CSMD1: variants seen among roughly 807,000 people sequenced by gnomAD.
The protein encoded by CSMD1 is CUB and Sushi multiple domains 1.
A neutral mutation model predicts 417.5 loss-of-function variants in CSMD1; 213 were observed. The ratio of observed to expected loss-of-function variants is 0.51; its 90% CI spans 0.46 to 0.57. The LOEUF (loss-of-function observed/expected upper bound fraction) is 0.57. Among genes scored for constraint, CSMD1 ranks in the 20% least tolerant of loss-of-function variants. CSMD1 has a pLI of 0.00. For missense variants in CSMD1, 6,923 were observed against 4,529.7 expected (o/e 1.53, Z -15.17); for synonymous variants, 2,862 against 1,736.8 (o/e 1.65, Z -16.11).
At chr8:4,648,309 G>C (rs1474301540) in intron 1 of CSMD1, among the ~76,000 whole-genome samples, 1 of 152,002 alleles carries the variant, frequency 6.6e-6, no homozygotes, top group East Asian at 1.9e-4. Flanking sequence ...TCTTGTTCCT[G>C]CTTCCCCACC....
chr8:3,583,877 C>G lies in CSMD1; in HGVS notation c.1222+2259G>C, dbSNP rs555860535. Among the ~76,000 whole-genome samples the G allele has an allele frequency of 6.6e-5, 10 of 151,686 alleles. No homozygotes were observed. The South Asian group carries it at 2.1e-3, about 32-fold the overall frequency. The stretch of plus-strand genomic sequence containing the variant: ...ATTGAGGGTTTCTTATCCATCTTAT[C>G]AACTGATGCAACTAGATAGATAAGG... On this transcript the variant is annotated intron_variant, in intron 9 of 69. Coordinates refer to ENST00000635120, the MANE Select transcript of CSMD1 (RefSeq NM_033225.6).
chr8:4,817,091 A>G (rs777587330), intron 1 of CSMD1, among the ~76,000 whole-genome samples: 1 of 152,028 alleles, frequency 6.6e-6, no homozygotes, highest in Admixed American at 6.5e-5. Flanking sequence ...CAACTTTATT[A>G]TGTGTATATA....
At chr8:3,955,706 C>T (rs953019616) in intron 5 of CSMD1, among the ~76,000 whole-genome samples, 4 of 151,662 alleles carry the variant, frequency 2.6e-5, no homozygotes, top group African/African-American at 9.7e-5. Context: ...AATACGTGGA[C>T]ACAAAGATTC....
In CSMD1 at chr8:4,695,579, A is replaced by T. The variant is rs10086346; in HGVS notation, c.86-58021T>A. Among the ~76,000 whole-genome samples the T allele has an allele frequency of 2.5e-3, 388 of 152,256 alleles. 2 individuals carry two copies. Among genetic ancestry groups the T allele is most frequent in the African/African-American group, 9.0e-3 (373 of 41,548 alleles). On this transcript the variant is annotated intron_variant, in intron 1 of 69. Transcript: ENST00000635120. The stretch of plus-strand genomic sequence containing the variant: ...GAAGAGGAAGATACAGAGGTTTCTC[A>T]TCTGTCCCCTATCCCCCCCACCACA...
At chr8:4,170,669 T>C (rs1031872712) in intron 3 of CSMD1, among the ~76,000 whole-genome samples, 2 of 151,814 alleles carry the variant, frequency 1.3e-5, no homozygotes, top group African/African-American at 2.4e-5. Flanking sequence ...GTAGAATAAG[T>C]TGGAGGAGCT....
At chr8:4,921,041 GAAGA>G (rs1334575073) in intron 1 of CSMD1, among the ~76,000 whole-genome samples, 2 of 101,030 alleles carry the variant, frequency 2.0e-5, no homozygotes, top group Non-Finnish European at 4.3e-5. Context: ...AGAAAGGAAG[GAAGA>G]AAGAAAAGAG....
chr8:4,034,950 C>T (rs111506318), intron 3 of CSMD1, among the ~76,000 whole-genome samples: 2 of 152,110 alleles, frequency 1.3e-5, no homozygotes, highest in African/African-American at 4.8e-5. Flanking sequence ...ATGAAACACT[C>T]TGGAAATGGA....
chr8:4,839,348 C>G (rs1346014617), intron 1 of CSMD1, among the ~76,000 whole-genome samples: 1 of 152,176 alleles, frequency 6.6e-6, no homozygotes, highest in African/African-American at 2.4e-5. Flanking sequence ...ATGCATACAA[C>G]CAAGCAAATA....
chr8:3,229,782 T>C (rs1443311892), intron 27 of CSMD1, among the ~76,000 whole-genome samples: 1 of 152,192 alleles, frequency 6.6e-6, no homozygotes, highest in African/African-American at 2.4e-5. Flanking sequence ...GATCCATGTT[T>C]ATGTAACATT....
intron 12 of CSMD1, among the ~76,000 whole-genome samples, chr8:3,430,543 A>C (rs1814148907): frequency 6.6e-6 from 1 of 152,208 alleles, no homozygotes; most frequent in African/African-American, 2.4e-5. Context: ...ACAGTGGCTT[A>C]CAACTGTAAT....
intron 7 of CSMD1, among the ~76,000 whole-genome samples, chr8:3,687,679 C>A (rs1336436014): frequency 6.6e-6 from 1 of 152,196 alleles, no homozygotes; most frequent in Non-Finnish European, 1.5e-5. Context: ...CCGAGGCTCC[C>A]TGAGCCCCAC....
intron 50 of CSMD1, among the ~76,000 whole-genome samples, chr8:3,032,593 C>A (rs1051155833): frequency 2.0e-5 from 3 of 151,970 alleles, no homozygotes; most frequent in Non-Finnish European, 2.9e-5. Flanking sequence ...CATTTTACAA[C>A]CCCCAAACAC....
chr8:4,051,851 T>G (rs77795932), intron 3 of CSMD1, among the ~76,000 whole-genome samples: 5,739 of 36,272 alleles, frequency 0.16, 361 homozygotes, highest in African/African-American at 0.4. Context: ...TTTCTTTTCT[T>G]TTCTCTTTCT....
intron 1 of CSMD1, among the ~76,000 whole-genome samples, chr8:4,834,552 T>C (rs181624850): frequency 5.3e-5 from 8 of 151,390 alleles, no homozygotes; most frequent in Admixed American, 3.3e-4. Flanking sequence ...AAACAACCAA[T>C]AGAAGGGAAG....
intron 3 of CSMD1, among the ~76,000 whole-genome samples, chr8:4,140,603 G>C (rs1796879331): frequency 6.6e-6 from 1 of 151,006 alleles, no homozygotes; most frequent in Non-Finnish European, 1.5e-5. Flanking sequence ...AAGAGGTCAA[G>C]GCTGCAGTGA....
chr8:3,730,983 T>A (rs1796219577), intron 6 of CSMD1, among the ~76,000 whole-genome samples: 1 of 152,164 alleles, frequency 6.6e-6, no homozygotes, highest in African/African-American at 2.4e-5. Context: ...ATTTCAAACA[T>A]ACACAAAATT....
chr8:3,215,350 C>A, intron 29 of CSMD1, among the ~76,000 whole-genome samples: 1 of 152,314 alleles, frequency 6.6e-6, no homozygotes. Flanking sequence ...ACTGGATGTA[C>A]TAACAGCCAA....
rs115727768 is a variant in CSMD1, at chr8:3,170,053, G to A, written c.5726-7776C>T. Among the ~76,000 whole-genome samples the A allele has an allele frequency of 3.6e-3, 550 of 152,358 alleles. 7 individuals are homozygous for A. Among genetic ancestry groups the A allele is most frequent in the African/African-American group, 0.012 (500 of 41,588 alleles). On this transcript the variant is annotated intron_variant, in intron 37 of 69. Coordinates refer to ENST00000635120, the MANE Select transcript of CSMD1 (RefSeq NM_033225.6). ...GAAAGGACACAAGTGCAGGAGTCGC[G>A]TTAGGCATAAAAGCTTCTACTCTCC...
At chr8:4,545,229 G>C (rs1028700670) in intron 2 of CSMD1, among the ~76,000 whole-genome samples, 3 of 152,170 alleles carry the variant, frequency 2.0e-5, no homozygotes, top group Non-Finnish European at 2.9e-5. Context: ...GTCATAAAAT[G>C]GGAGGTGCAG....
Sources: gnomAD v4.1 joint callset for allele counts (sites outside exome capture counted in the v4.1 genomes callset) on GRCh38, gnomAD v4.1.1 for gene constraint, MANE v1.5 for transcripts, NCBI Gene and HGNC (gene_info 2026-07-23, HGNC 2026-07-21) for gene names.